ZNF544: variants seen among roughly 807,000 people sequenced by gnomAD.
ZNF544 encodes zinc finger protein 544, also known as zinc finger protein AF020591.
Under a neutral mutation model 13.5 loss-of-function variants are expected in ZNF544, and 10 were observed. The ratio of observed to expected loss-of-function variants is 0.74; its 90% confidence interval spans 0.46 to 1.25. The LOEUF is 1.25. ZNF544 is among the 50% of genes most tolerant of loss of function. The probability of loss-of-function intolerance (pLI) is 0.00; values close to 1 mark genes in which losing one functional copy is unlikely to be tolerated. For missense variants in ZNF544, 896 were observed against 845.6 expected, an observed-to-expected ratio of 1.06 and a Z score of -0.74; for synonymous variants, 323 against 300.5, an observed-to-expected ratio of 1.07 and a Z score of -0.77.
intron 6 of ZNF544, among the ~76,000 whole-genome samples, chr19:58,247,038 A>G (rs143242148): frequency 6.6e-6 from 1 of 151,518 alleles, no homozygotes; most frequent in Non-Finnish European, 1.5e-5. Flanking sequence ...CATCATCCCA[A>G]CCATTTAGGC....
chr19:58,269,765 AC>A (rs2147860324), intron 5 of ZNF544, among the ~76,000 whole-genome samples: 1 of 152,242 alleles, frequency 6.6e-6, no homozygotes, highest in East Asian at 1.9e-4. Context: ...TACTAAAGAT[AC>A]AAAAATTAGC....
At position 58,241,179 on chromosome 19, in the gene ZNF544, A is replaced by ATATAT. The variant is rs1181835768; in HGVS notation, c.-59-2785_-59-2784insATATT. On this transcript the variant is annotated intron_variant, in intron 3 of 6. Transcript: ENST00000687789. Reference sequence around the variant, plus strand: ...TATATTTAAATATATATATATATATATTTTTTTTTTTTTGTAGAGATAGGG... The same window carrying ATATAT: ...TATATTTAAATATATATATATATATATATATTTTTTTTTTTTTTGTAGAGATAGGG... 7.1e-4 allele frequency among the ~76,000 whole-genome samples: 52 copies of ATATAT among 72,760 alleles called. 2 individuals are homozygous for ATATAT. Among genetic ancestry groups the ATATAT allele is most frequent in the African/African-American group, 2.5e-3 (42 of 16,858 alleles). The allele number at this position is 72,760 out of a possible 152,430, so 47.7% of individuals were successfully genotyped here. A position where few individuals can be genotyped will look rare whatever the true frequency, so the allele number is the denominator to read the frequency against.
chr19:58,238,865 T>TA (rs112124516), intron 3 of ZNF544, among the ~76,000 whole-genome samples: 9,938 of 132,300 alleles, frequency 0.075, 619 homozygotes, highest in African/African-American at 0.18. Context: ...TAAGTCACGG[T>TA]AAAAAAAAAA....
At position 58,262,694 on chromosome 19, in the gene ZNF544, C is replaced by A. The variant is rs1251256528; in HGVS notation, c.2088C>A (p.Ser696=). The A allele has an allele frequency of 6.2e-7, 1 of 1,612,256 alleles. No individual in the cohort carries two copies. Among genetic ancestry groups the A allele is most frequent in the Non-Finnish European group, 8.5e-7 (1 of 1,178,586 alleles). The change falls in exon 7 of 7, where the codon TCC becomes TCA. Residue 696 remains serine (S), a synonymous_variant. Transcript: ENST00000687789. ...KPYECSDCGK[S]FRQQSQLVVH... Reference sequence around the variant, plus strand: ...ATGAATGTAGTGACTGTGGGAAATCCTTCCGGCAGCAATCTCAACTTGTAG... The same window carrying A: ...ATGAATGTAGTGACTGTGGGAAATCATTCCGGCAGCAATCTCAACTTGTAG...
chr19:58,251,724 A>G (rs1375103938), intron 6 of ZNF544, among the ~76,000 whole-genome samples: 4 of 152,216 alleles, frequency 2.6e-5, no homozygotes, highest in Admixed American at 6.6e-5. Context: ...TGGGCTCATA[A>G]TAATTTTTTC....
At chr19:58,235,926 G>A (rs2042280399) in intron 3 of ZNF544, among the ~76,000 whole-genome samples, 2 of 151,764 alleles carry the variant, frequency 1.3e-5, no homozygotes, top group Admixed American at 6.6e-5. Context: ...CAGACATGGT[G>A]GCACATGCCT....
intron 6 of ZNF544, chr19:58,259,787 A>G (rs1426396260): frequency 2.6e-5 from 4 of 152,214 alleles, no homozygotes; most frequent in African/African-American, 9.7e-5. Context: ...GGTAGCAGGC[A>G]CCTGTAATCC....
At position 58,244,110 on chromosome 19, in the gene ZNF544, G is replaced by T. The variant is rs2044530280; in HGVS notation, c.33+54G>T. 4.0e-6 allele frequency: 6 copies of T among 1,513,990 alleles called. No homozygotes were observed. The South Asian group carries it at 7.1e-5, about 18-fold the overall frequency. The allele number at this position is 1,513,990 out of a possible 1,614,324, so 93.8% of individuals were successfully genotyped here. A position where few individuals can be genotyped will look rare whatever the true frequency, so the allele number is the denominator to read the frequency against. ...CTTGGTCTCCATAGATGTAAAATGGGTCCAGGAATAGCACCCGCCCCTGCA... is the reference window on the plus strand; with the variant it reads ...CTTGGTCTCCATAGATGTAAAATGGTTCCAGGAATAGCACCCGCCCCTGCA... On this transcript the variant is annotated intron_variant, in intron 4 of 6. Transcript: ENST00000687789.
downstream of ZNF544, among the ~76,000 whole-genome samples, chr19:58,264,935 G>C (rs901605798): frequency 6.6e-5 from 10 of 151,702 alleles, no homozygotes; most frequent in Admixed American, 3.3e-4. Context: ...GCCTGGGGGT[G>C]GGGGGGATGG....
chr19:58,247,925 T>G (rs576832934), intron 6 of ZNF544, among the ~76,000 whole-genome samples: 10 of 151,952 alleles, frequency 6.6e-5, no homozygotes, highest in Admixed American at 1.3e-4. Context: ...CATCCTTTTT[T>G]TTTTTCCCAG....
chr19:58,235,128 A>G (rs1303957250), intron 3 of ZNF544, among the ~76,000 whole-genome samples: 1 of 152,256 alleles, frequency 6.6e-6, no homozygotes, highest in Non-Finnish European at 1.5e-5. Flanking sequence ...GTGTGCTTAC[A>G]CAGACCTACA....
chr19:58,246,879 G>C (rs955917839), intron 6 of ZNF544, 85 bp downstream of exon 6: 10 of 1,373,934 alleles, frequency 7.3e-6, no homozygotes, highest in Non-Finnish European at 1.0e-5. Flanking sequence ...GGCCAAGGAG[G>C]GAGCCTTGTT....
At chr19:58,255,233 T>G (rs1333479934) in intron 6 of ZNF544, among the ~76,000 whole-genome samples, 2 of 150,482 alleles carry the variant, frequency 1.3e-5, no homozygotes, top group Non-Finnish European at 2.9e-5. Context: ...TGGAGTGCAG[T>G]GGCATGATCT....
At chr19:58,274,502 T>C (rs2051066867) in intron 5 of ZNF544, among the ~76,000 whole-genome samples, 1 of 152,182 alleles carries the variant, frequency 6.6e-6, no homozygotes, top group Non-Finnish European at 1.5e-5. Flanking sequence ...GAACATATAC[T>C]TTCTTGTAGC....
At chr19:58,271,422 C>T (rs1251140180) in intron 5 of ZNF544, among the ~76,000 whole-genome samples, 1 of 151,228 alleles carries the variant, frequency 6.6e-6, no homozygotes. Flanking sequence ...GGCAACATGG[C>T]GAGACCTGGT....
intron 6 of ZNF544, among the ~76,000 whole-genome samples, chr19:58,255,193 C>G (rs929994968): frequency 7.3e-6 from 1 of 137,808 alleles, no homozygotes; most frequent in Non-Finnish European, 1.5e-5. Context: ...CAGCCTTAGA[C>G]GGAGTTTTGG....
intron 6 of ZNF544, among the ~76,000 whole-genome samples, chr19:58,250,768 C>T (rs767611879): frequency 2.0e-5 from 3 of 152,076 alleles, no homozygotes; most frequent in Admixed American, 1.3e-4. Flanking sequence ...GTCCTGTCAT[C>T]GTAGTTCATG....
intron 3 of ZNF544, chr19:58,231,942 GC>G (rs1325139741): frequency 6.6e-6 from 1 of 152,110 alleles, no homozygotes; most frequent in East Asian, 1.9e-4. Context: ...CTGGGTTCAA[GC>G]GATTCTTGTG....
At chr19:58,259,684 C>T (rs2048468921) in intron 6 of ZNF544, 1 of 152,214 alleles carries the variant, frequency 6.6e-6, no homozygotes, top group South Asian at 2.1e-4. Flanking sequence ...TCTCCCTCTG[C>T]CTTTCTCCTA....
Sources: gnomAD v4.1 joint callset for allele counts (sites outside exome capture counted in the v4.1 genomes callset) on GRCh38, gnomAD v4.1.1 for gene constraint, MANE v1.5 for transcripts, NCBI Gene and HGNC (gene_info 2026-07-23, HGNC 2026-07-21) for gene names.